Variants in ST6GAL1 observed in about 807,000 individuals in gnomAD.
The protein encoded by ST6GAL1 is ST6 beta-galactoside alpha-2,6-sialyltransferase 1, also known as beta-galactoside alpha-2,6-sialyltransferase 1.
A neutral mutation model predicts 38.0 loss-of-function variants in ST6GAL1; 20 were observed. The observed-to-expected ratio is 0.53, with a 90% confidence interval of 0.37 to 0.77. The LOEUF is 0.77. Ranked by LOEUF, ST6GAL1 falls within the 30% of genes least tolerant of loss-of-function variation. The pLI is 0.00. For missense variants in ST6GAL1, 432 were observed against 496.4 expected (o/e 0.87, Z 1.23); for synonymous variants, 196 against 188.2 (o/e 1.04, Z -0.34).
In ST6GAL1 at chr3:186,935,469, C is replaced by T. The variant is rs374631656; in HGVS notation, c.-325+4635C>T. ...AATAGTGCTGCAGTGAACATATGCG[C>T]GCATGTGTCTTTATGGTAGAACAAT... On this transcript the variant is annotated intron_variant, in intron 1 of 7. Coordinates refer to ENST00000169298, the MANE Select transcript of ST6GAL1 (RefSeq NM_173216.2). Among the ~76,000 whole-genome samples, 20 of 152,128 alleles carry T rather than the reference C, an allele frequency of 1.3e-4. No individual in the cohort carries two copies. The East Asian group carries it at 1.5e-3, about 12-fold the overall frequency.
chr3:187,050,991 A>C (rs1449039603), intron 4 of ST6GAL1, among the ~76,000 whole-genome samples: 2 of 152,188 alleles, frequency 1.3e-5, no homozygotes, highest in Non-Finnish European at 1.5e-5. Context: ...GGCACAAGCG[A>C]ATGTCTTTGA....
intron 3 of ST6GAL1, 136 bp from the exon 4 acceptor site, chr3:187,042,518 A>G: frequency 6.3e-6 from 5 of 796,752 alleles, no homozygotes; most frequent in Non-Finnish European, 9.8e-6. Flanking sequence ...CAGGCTGCAG[A>G]GGTGGCCAGG....
intron 2 of ST6GAL1, among the ~76,000 whole-genome samples, chr3:186,983,793 G>C (rs1211294463): frequency 6.6e-6 from 1 of 152,182 alleles, no homozygotes; most frequent in African/African-American, 2.4e-5. Flanking sequence ...AGGAGTGGAG[G>C]AGTTAGGTTT....
At chr3:186,968,171 A>G (rs1715216115) in intron 2 of ST6GAL1, among the ~76,000 whole-genome samples, 1 of 152,114 alleles carries the variant, frequency 6.6e-6, no homozygotes, top group African/African-American at 2.4e-5. Context: ...AAGCCATTTG[A>G]CTTGGGTCTG....
At chr3:187,000,039 C>G (rs150207617) in intron 2 of ST6GAL1, among the ~76,000 whole-genome samples, 1 of 151,522 alleles carries the variant, frequency 6.6e-6, no homozygotes, top group East Asian at 1.9e-4. Context: ...GTTGGCCAGA[C>G]GGATCTTGAA....
In ST6GAL1 at chr3:187,038,754, C is replaced by T. The variant is rs990471363; in HGVS notation, c.-170C>T. 1 of 152,230 alleles carries T rather than the reference C, an allele frequency of 6.6e-6. No individual in the cohort carries two copies. The highest frequency in any genetic ancestry group is 2.1e-4 in the South Asian group (1 of 4,832). 9.4% of individuals were successfully genotyped at this position (152,230 alleles called of 1,614,324 possible). A position where few individuals can be genotyped will look rare whatever the true frequency, so the allele number is the denominator to read the frequency against. ...TTTGCCTTTGCAGATGAGTTTTGATCATCCTGAGAAAAATGGGCCTTGGCC... is the reference window on the plus strand; with the variant it reads ...TTTGCCTTTGCAGATGAGTTTTGATTATCCTGAGAAAAATGGGCCTTGGCC... On this transcript the variant is annotated 5_prime_UTR_variant, in exon 3 of 8. Coordinates refer to ENST00000169298, the MANE Select transcript of ST6GAL1 (RefSeq NM_173216.2).
intron 2 of ST6GAL1, among the ~76,000 whole-genome samples, chr3:186,995,701 G>A (rs1179898131): frequency 4.0e-5 from 6 of 151,504 alleles, no homozygotes; most frequent in Admixed American, 2.0e-4. Flanking sequence ...AAAATTAGCC[G>A]GGTATGGTGG....
chr3:187,045,857 G>A (rs74922371), intron 4 of ST6GAL1, among the ~76,000 whole-genome samples: 1 of 152,156 alleles, frequency 6.6e-6, no homozygotes, highest in Non-Finnish European at 1.5e-5. Context: ...AGAAGCAAAG[G>A]CTGCACGGGG....
intron 2 of ST6GAL1, among the ~76,000 whole-genome samples, chr3:187,026,200 A>C (rs1221501787): frequency 1.3e-5 from 2 of 152,176 alleles, no homozygotes; most frequent in East Asian, 3.8e-4. Flanking sequence ...TTTGAGCAAA[A>C]CGGTGACTTG....
At chr3:187,009,515 C>G (rs1320286636) in intron 2 of ST6GAL1, among the ~76,000 whole-genome samples, 3 of 152,066 alleles carry the variant, frequency 2.0e-5, no homozygotes, top group Non-Finnish European at 4.4e-5. Context: ...GCCTGTAGTC[C>G]TAGCTACTTG....
chr3:187,068,846 T>C (rs1375370316), intron 5 of ST6GAL1, among the ~76,000 whole-genome samples: 1 of 152,242 alleles, frequency 6.6e-6, no homozygotes, highest in Admixed American at 6.5e-5. Flanking sequence ...TTGCTTTTAA[T>C]ATAACAGCTG....
chr3:187,016,410 A>G (rs1234688372), intron 2 of ST6GAL1, among the ~76,000 whole-genome samples: 2 of 152,134 alleles, frequency 1.3e-5, no homozygotes, highest in Non-Finnish European at 2.9e-5. Context: ...GTGTGTGTGC[A>G]TGTCAGGAGT....
At position 187,042,778 on chromosome 3, in the gene ST6GAL1, G is replaced by T. The variant is rs1718169880; in HGVS notation, c.75G>T (p.Val25=). The change falls in exon 4 of 8, where the codon GTG becomes GTT. Residue 25 remains valine (V), a synonymous_variant. Coordinates refer to ENST00000169298, the MANE Select transcript of ST6GAL1 (RefSeq NM_173216.2). ...LVFLLFAVIC[V]WKEKKKGSYY... ...TTCTTCTGTTTGCAGTCATCTGTGT[G>T]TGGAAGGAAAAGAAGAAAGGGAGTT... The T allele has an allele frequency of 6.2e-7, 1 of 1,614,194 alleles. No individual in the cohort carries two copies. Among genetic ancestry groups the T allele is most frequent in the East Asian group, 2.2e-5 (1 of 44,892 alleles).
chr3:187,019,165 A>G (rs1441500574), intron 2 of ST6GAL1, among the ~76,000 whole-genome samples: 2 of 152,236 alleles, frequency 1.3e-5, no homozygotes, highest in African/African-American at 4.8e-5. Flanking sequence ...GAAACAAAAT[A>G]CAAGAGATAT....
At chr3:186,984,807 CCTTCCTTCCTTCCT>C (rs767332465) in intron 2 of ST6GAL1, among the ~76,000 whole-genome samples, 1,252 of 42,098 alleles carry the variant, frequency 0.03, 6 homozygotes, top group South Asian at 0.051. Context: ...TTCCTTCCAT[CCTTCCTTCCTTCCT>C]TCCTTCCCTC....
intron 2 of ST6GAL1, among the ~76,000 whole-genome samples, chr3:186,969,620 G>A (rs949028537): frequency 6.6e-6 from 1 of 152,190 alleles, no homozygotes; most frequent in Non-Finnish European, 1.5e-5. Context: ...CAATTCTGTG[G>A]CTTGTACATG....
intron 1 of ST6GAL1, among the ~76,000 whole-genome samples, chr3:186,958,493 A>G (rs555818922): frequency 1.3e-5 from 2 of 152,178 alleles, no homozygotes; most frequent in East Asian, 3.9e-4. Flanking sequence ...GAGCCATATA[A>G]GCGTGCTATT....
intron 1 of ST6GAL1, among the ~76,000 whole-genome samples, chr3:186,946,154 A>T (rs1297444910): frequency 6.6e-6 from 1 of 151,752 alleles, no homozygotes; most frequent in South Asian, 2.1e-4. Flanking sequence ...AAAAATACAA[A>T]AATTATTTTG....
chr3:186,989,546 G>T (rs1442031000), intron 2 of ST6GAL1, among the ~76,000 whole-genome samples: 1 of 152,156 alleles, frequency 6.6e-6, no homozygotes, highest in East Asian at 1.9e-4. Context: ...AGCTGTGATG[G>T]TGTGTTGCTA....
Sources: allele counts gnomAD v4.1 joint callset (sites outside exome capture counted in the v4.1 genomes callset), GRCh38; gene constraint gnomAD v4.1.1; transcripts MANE v1.5; gene names NCBI Gene and HGNC (gene_info 2026-07-23, HGNC 2026-07-21).